TMEM108: variants seen among roughly 807,000 people sequenced by gnomAD.
The protein encoded by TMEM108 is cancer/testis antigen 124.
Under a neutral mutation model 35.1 loss-of-function variants are expected in TMEM108, and 12 were observed. The ratio of observed to expected loss-of-function variants is 0.34; its 90% CI spans 0.22 to 0.55. The LOEUF (loss-of-function observed/expected upper bound fraction) is 0.55, where lower values mean the gene tolerates loss of function less well. TMEM108 is among the 20% of genes least tolerant of loss of function. The probability of loss-of-function intolerance (pLI) is 0.89; values close to 1 mark genes in which losing one functional copy is unlikely to be tolerated. For missense variants in TMEM108, 680 were observed against 753.3 expected, an observed-to-expected ratio of 0.90 and a Z score of 1.14; for synonymous variants, 287 against 308.6, an observed-to-expected ratio of 0.93 and a Z score of 0.73.
At chr3:133,139,473 C>T (rs1203879421) in intron 2 of TMEM108, among the ~76,000 whole-genome samples, 2 of 152,120 alleles carry the variant, frequency 1.3e-5, no homozygotes, top group Non-Finnish European at 2.9e-5. Context: ...ATATAGATGA[C>T]CCATAGTGTA....
chr3:133,380,292 A>C lies in TMEM108; in HGVS notation c.581A>C (p.Lys194Thr). The C allele has an allele frequency of 6.2e-7, 1 of 1,614,058 alleles. No individual in the cohort carries two copies. The highest frequency in any genetic ancestry group is 1.7e-5 in the Admixed American group (1 of 60,024). Residue 194 changes from lysine (K) to threonine (T), a missense_variant, in exon 4 of 6, where the codon AAA becomes ACA. Around this residue, in one of 3 missense-constraint regions of TMEM108, gnomAD observed 526 missense variants for 532.1 expected, o/e 0.99. Coordinates refer to ENST00000321871, the MANE Select transcript of TMEM108 (RefSeq NM_023943.4). The surrounding 1 kb of genome is among the most constrained non-coding windows in gnomAD (Gnocchi z 5.3). ...PPAPGGHSRS[K>T]EGQRGRNPSS... ...GCACCTGGTGGCCACTCCAGGAGTA[A>C]AGAAGGACAGCGAGGACGAAATCCA...
intron 3 of TMEM108, among the ~76,000 whole-genome samples, chr3:133,231,035 C>G (rs905016877): frequency 3.3e-5 from 5 of 152,320 alleles, no homozygotes; most frequent in Admixed American, 2.6e-4. Context: ...ACCCTGATTA[C>G]TGACATGCAT....
chr3:133,228,257 G>T (rs1324324103), intron 2 of TMEM108, among the ~76,000 whole-genome samples: 1 of 151,436 alleles, frequency 6.6e-6, no homozygotes, highest in Non-Finnish European at 1.5e-5. Context: ...AAAAAACCTG[G>T]CATGCTAGTA....
intron 3 of TMEM108, among the ~76,000 whole-genome samples, chr3:133,321,127 GACA>G (rs923612906): frequency 1.3e-5 from 2 of 152,046 alleles, no homozygotes; most frequent in African/African-American, 4.8e-5. Flanking sequence ...AAGGCATTCA[GACA>G]ACAACTAGTA....
At chr3:133,195,087 A>G (rs1945557826) in intron 2 of TMEM108, among the ~76,000 whole-genome samples, 1 of 152,202 alleles carries the variant, frequency 6.6e-6, no homozygotes, top group Non-Finnish European at 1.5e-5. Context: ...TTCACATTTG[A>G]ACTTGTTAAT....
intron 2 of TMEM108, among the ~76,000 whole-genome samples, chr3:133,205,000 A>G (rs1407977430): frequency 1.3e-5 from 2 of 152,098 alleles, no homozygotes; most frequent in Admixed American, 6.5e-5. Context: ...TTGGGTGCAT[A>G]TATATTTAGG....
intron 3 of TMEM108, among the ~76,000 whole-genome samples, chr3:133,274,425 A>C (rs1946812164): frequency 6.6e-6 from 1 of 152,298 alleles, no homozygotes; most frequent in Middle Eastern, 3.4e-3. Flanking sequence ...CTGCATGCAC[A>C]GTGCCTGGAG....
At chr3:133,098,163 T>C (rs770089923) in intron 2 of TMEM108, among the ~76,000 whole-genome samples, 1 of 152,170 alleles carries the variant, frequency 6.6e-6, no homozygotes, top group Non-Finnish European at 1.5e-5. Context: ...TTCACATGGC[T>C]GGGGAGGCCT....
At chr3:133,358,587 G>A (rs766021090) in intron 3 of TMEM108, among the ~76,000 whole-genome samples, 2 of 152,148 alleles carry the variant, frequency 1.3e-5, no homozygotes, top group African/African-American at 4.8e-5. Flanking sequence ...AGTGCTCCAG[G>A]TGGACTCTCT....
chr3:133,187,277 T>G (rs1945434370), intron 2 of TMEM108, among the ~76,000 whole-genome samples: 1 of 151,990 alleles, frequency 6.6e-6, no homozygotes. Flanking sequence ...GACAAAATAT[T>G]GCATCTACAC....
At chr3:133,242,191 C>A (rs1946323712) in intron 3 of TMEM108, among the ~76,000 whole-genome samples, 1 of 152,102 alleles carries the variant, frequency 6.6e-6, no homozygotes, top group Non-Finnish European at 1.5e-5. Flanking sequence ...ACCATTTTTC[C>A]CAGTAAGATC....
chr3:133,297,636 C>CT (rs1947164419), intron 3 of TMEM108, among the ~76,000 whole-genome samples: 1 of 152,158 alleles, frequency 6.6e-6, no homozygotes, highest in Non-Finnish European at 1.5e-5. Context: ...GATTCTCAGT[C>CT]ACTTCAGCAG....
At position 133,396,466 on chromosome 3, in the gene TMEM108, GAGA is replaced by G. The variant is rs2073308222; in HGVS notation, c.*483_*485del. ...GGGGAAGACGGCAGACTCATGCACA[GAGA>G]AGGAAAAGGGAACATCTCATCACCT... On this transcript the variant is annotated 3_prime_UTR_variant, in exon 6 of 6. Coordinates refer to ENST00000321871, the MANE Select transcript of TMEM108 (RefSeq NM_023943.4). 1.3e-5 allele frequency: 2 copies of G among 152,424 alleles called. No individual in the cohort carries two copies. Among genetic ancestry groups the G allele is most frequent in the South Asian group, 4.1e-4 (2 of 4,830 alleles). 9.4% of individuals were successfully genotyped at this position (152,424 alleles called of 1,614,324 possible). A position where few individuals can be genotyped will look rare whatever the true frequency, so the allele number is the denominator to read the frequency against.
chr3:133,080,429 G>A (rs1263974536), intron 2 of TMEM108, among the ~76,000 whole-genome samples: 4 of 152,178 alleles, frequency 2.6e-5, no homozygotes, highest in Non-Finnish European at 5.9e-5. Context: ...TTTTTTGCAT[G>A]TAAGGACATA....
chr3:133,393,811 C>T (rs115399018), intron 5 of TMEM108, among the ~76,000 whole-genome samples: 174 of 152,266 alleles, frequency 1.1e-3, no homozygotes, highest in African/African-American at 3.8e-3. Flanking sequence ...TACTCGTGAA[C>T]GCACTATAGA....
At chr3:133,121,643 G>A (rs1944353489) in intron 2 of TMEM108, among the ~76,000 whole-genome samples, 1 of 152,138 alleles carries the variant, frequency 6.6e-6, no homozygotes, top group Non-Finnish European at 1.5e-5. Context: ...CTTTTGACAG[G>A]AAACTTCACT....
chr3:133,115,838 C>G (rs959067528), intron 2 of TMEM108, among the ~76,000 whole-genome samples: 2 of 152,192 alleles, frequency 1.3e-5, no homozygotes, highest in Admixed American at 6.5e-5. Context: ...TTGCACAGGT[C>G]TCAAATTCAC....
chr3:133,315,623 G>C (rs892414990), intron 3 of TMEM108, among the ~76,000 whole-genome samples: 1 of 152,240 alleles, frequency 6.6e-6, no homozygotes, highest in Admixed American at 6.5e-5. Context: ...ACCCCAGCAG[G>C]AAGTCTTGCT....
rs888973698 is a variant in TMEM108 at position 133,323,998 on chromosome 3, C to G, written c.41-55754C>G. Among the ~76,000 whole-genome samples, 5 of 152,070 alleles carry G rather than the reference C, an allele frequency of 3.3e-5. No homozygotes were observed. In the South Asian group the frequency reaches 1.0e-3, roughly 32 times the overall value. ...ATGTAGAAGAATGAAGCTGGATTCT[C>G]CTCTCTCACCTTATACAAAAATCAA... is the stretch of plus-strand genomic sequence containing the variant. On this transcript the variant is annotated intron_variant, in intron 3 of 5. Coordinates refer to ENST00000321871, the MANE Select transcript of TMEM108 (RefSeq NM_023943.4).
Sources: allele counts gnomAD v4.1 joint callset (sites outside exome capture counted in the v4.1 genomes callset), GRCh38; gene constraint gnomAD v4.1.1; regional missense constraint gnomAD v4.1.1; non-coding constraint Gnocchi (gnomAD v3.1); transcripts MANE v1.5; gene names NCBI Gene and HGNC (gene_info 2026-07-23, HGNC 2026-07-21).